The following RPRD1B variants were observed in gnomAD, a reference collection of about 807,000 sequenced individuals.
The protein encoded by RPRD1B is regulation of nuclear pre-mRNA domain-containing protein 1B.
RPRD1B carries 11 observed loss-of-function variants against 41.5 expected under a neutral mutation model. The ratio of observed to expected loss-of-function variants is 0.27; its 90% CI spans 0.17 to 0.44. The LOEUF (loss-of-function observed/expected upper bound fraction) is 0.44, where lower values mean the gene tolerates loss of function less well. Ranked by LOEUF, RPRD1B falls within the 20% of genes least tolerant of loss-of-function variation. RPRD1B has a pLI of 1.00. For missense variants in RPRD1B, 248 were observed against 389.9 expected, an observed-to-expected ratio of 0.64 and a Z score of 3.06; for synonymous variants, 158 against 155.6, an observed-to-expected ratio of 1.02 and a Z score of -0.12.
intron 4 of RPRD1B, among the ~76,000 whole-genome samples, chr20:38,057,941 AT>A (rs2074260821): frequency 6.6e-6 from 1 of 152,244 alleles, no homozygotes; most frequent in South Asian, 2.1e-4. Context: ...GGGATAGATA[AT>A]ATTACAAAGA....
chr20:38,054,220 C>T (rs893322129), intron 3 of RPRD1B, among the ~76,000 whole-genome samples: 2 of 151,958 alleles, frequency 1.3e-5, no homozygotes, highest in African/African-American at 2.4e-5. Context: ...TGAAAGTGTT[C>T]GTAATGGAAA....
chr20:38,037,286 G>A, intron 1 of RPRD1B, among the ~76,000 whole-genome samples: 1 of 152,082 alleles, frequency 6.6e-6, no homozygotes, highest in Non-Finnish European at 1.5e-5. Context: ...GACTAGTTTT[G>A]GTGTAAAGTG....
At chr20:38,074,935 T>C (rs554247105) in intron 6 of RPRD1B, among the ~76,000 whole-genome samples, 5 of 152,360 alleles carry the variant, frequency 3.3e-5, no homozygotes, top group East Asian at 3.9e-4. Context: ...TCTGTCATGC[T>C]TTTTTCTTAA....
chr20:38,060,042 C>T (rs555661178), intron 5 of RPRD1B, among the ~76,000 whole-genome samples: 1 of 152,294 alleles, frequency 6.6e-6, no homozygotes, highest in African/African-American at 2.4e-5. Flanking sequence ...ACGATTCCTG[C>T]TTTCCTTATG....
At chr20:38,080,059 A>G (rs2074499305) in intron 6 of RPRD1B, among the ~76,000 whole-genome samples, 1 of 152,030 alleles carries the variant, frequency 6.6e-6, no homozygotes, top group Non-Finnish European at 1.5e-5. Context: ...CCTATTTTTA[A>G]TGGGGTTTTT....
At chr20:38,076,261 G>GTGGTCCTCCCAGCGTT (rs2074458791) in intron 6 of RPRD1B, among the ~76,000 whole-genome samples, 1 of 152,196 alleles carries the variant, frequency 6.6e-6, no homozygotes, top group Non-Finnish European at 1.5e-5. Context: ...ATTGAAGCCA[G>GTGGTCCTCCCAGCGTT]TGGTCCTCCC....
intron 2 of RPRD1B, among the ~76,000 whole-genome samples, chr20:38,044,770 CA>C (rs759756697): frequency 2.5e-4 from 38 of 152,180 alleles, no homozygotes; most frequent in Non-Finnish European, 4.7e-4. Context: ...TCGGAAATCC[CA>C]AGTTCCCAGA....
intron 2 of RPRD1B, among the ~76,000 whole-genome samples, chr20:38,047,291 T>G (rs1247378582): frequency 6.6e-6 from 1 of 152,222 alleles, no homozygotes; most frequent in Admixed American, 6.5e-5. Context: ...AATTTACCAC[T>G]AATAATTCAT....
chr20:38,034,177 T>A, intron 1 of RPRD1B, 79 bp downstream of exon 1: 1 of 1,446,390 alleles, frequency 6.9e-7, no homozygotes, highest in Non-Finnish European at 9.4e-7. Flanking sequence ...CCTCTAAGCC[T>A]CTTCATTGAG....
intron 6 of RPRD1B, among the ~76,000 whole-genome samples, chr20:38,073,710 GCCAGTATCTCAGTGT>G (rs893926498): frequency 1.3e-5 from 2 of 152,208 alleles, no homozygotes; most frequent in Non-Finnish European, 2.9e-5. Flanking sequence ...GATGATCAAA[GCCAGTATCTCAGTGT>G]CCTATCATGG....
chr20:38,038,506 T>TG (rs1328807479), intron 1 of RPRD1B, among the ~76,000 whole-genome samples: 64 of 143,278 alleles, frequency 4.5e-4, no homozygotes, highest in African/African-American at 1.2e-3. Context: ...TTTTTTTTTT[T>TG]TTTTTTTTGA....
chr20:38,076,965 G>A (rs1302957302), intron 6 of RPRD1B, among the ~76,000 whole-genome samples: 19 of 116,372 alleles, frequency 1.6e-4, no homozygotes, highest in African/African-American at 5.9e-4. Flanking sequence ...TGCCCAGGCT[G>A]TAGTGCAGTG....
intron 2 of RPRD1B, among the ~76,000 whole-genome samples, chr20:38,041,200 T>C (rs1381042216): frequency 6.6e-6 from 1 of 152,252 alleles, no homozygotes; most frequent in Admixed American, 6.5e-5. Context: ...AAAAGCTTTC[T>C]GTGGGCTTAA....
At chr20:38,039,399 C>T (rs2074039516) in intron 1 of RPRD1B, among the ~76,000 whole-genome samples, 1 of 150,326 alleles carries the variant, frequency 6.7e-6, no homozygotes, top group Non-Finnish European at 1.5e-5. Flanking sequence ...AGCAAAATTA[C>T]AAGAAACCTT....
chr20:38,091,949 T>C lies in RPRD1B; in HGVS notation c.*2074T>C. 3.0e-6 allele frequency: 3 copies of C among 985,880 alleles called. No homozygotes were observed. The highest frequency in any genetic ancestry group is 3.6e-6 in the Non-Finnish European group (3 of 829,936). 61.1% of individuals were successfully genotyped at this position (985,880 alleles called of 1,614,324 possible). ...TAATACCTGTTACTAGTGGACTTCC[T>C]GTGAGGAAGTTAGTTTTTTGTTTTG... On this transcript the variant is annotated 3_prime_UTR_variant, in exon 7 of 7. Coordinates refer to ENST00000373433, the MANE Select transcript of RPRD1B (RefSeq NM_021215.4).
chr20:38,069,180 C>T (rs1269447295), intron 6 of RPRD1B, among the ~76,000 whole-genome samples: 1 of 151,988 alleles, frequency 6.6e-6, no homozygotes, highest in African/African-American at 2.4e-5. Flanking sequence ...AATTTTATGT[C>T]GGTGGCTCCT....
intron 5 of RPRD1B, among the ~76,000 whole-genome samples, chr20:38,065,511 A>G (rs922821307): frequency 3.3e-5 from 5 of 152,238 alleles, no homozygotes; most frequent in African/African-American, 9.6e-5. Context: ...ACATCTTCCC[A>G]TATACTTTAA....
chr20:38,069,621 C>T (rs1449710970), intron 6 of RPRD1B, among the ~76,000 whole-genome samples: 1 of 152,178 alleles, frequency 6.6e-6, no homozygotes, highest in Non-Finnish European at 1.5e-5. Context: ...AAGCCTGTGC[C>T]AGCCAGATGT....
At chr20:38,078,702 T>C (rs146505049) in intron 6 of RPRD1B, among the ~76,000 whole-genome samples, 2 of 152,346 alleles carry the variant, frequency 1.3e-5, no homozygotes, top group African/African-American at 4.8e-5. Context: ...TGATGGGGAC[T>C]CTTTCCAGTC....
Sources: gnomAD v4.1 joint callset for allele counts (sites outside exome capture counted in the v4.1 genomes callset) on GRCh38, gnomAD v4.1.1 for gene constraint, MANE v1.5 for transcripts, NCBI Gene and HGNC (gene_info 2026-07-23, HGNC 2026-07-21) for gene names.